Variants in ITFG2 observed in about 807,000 individuals in gnomAD.
ITFG2 encodes integrin alpha FG-GAP repeat containing 2, also known as KICSTOR complex protein ITFG2.
ITFG2 carries 36 observed loss-of-function variants against 54.4 expected under a neutral mutation model. The ratio of observed to expected loss-of-function variants is 0.66; its 90% CI spans 0.51 to 0.87. The LOEUF is 0.87. Among genes scored for constraint, ITFG2 ranks in the 40% least tolerant of loss-of-function variants. The pLI is 0.00. For missense variants in ITFG2, 524 were observed against 576.7 expected (o/e 0.91, Z 0.94); for synonymous variants, 211 against 225.4 (o/e 0.94, Z 0.57).
chr12:2,817,830 C>A, intron 2 of ITFG2, 79 bp from the exon 3 acceptor site: 1 of 1,397,504 alleles, frequency 7.2e-7, no homozygotes, highest in Non-Finnish European at 9.8e-7. Flanking sequence ...GAAAACCTGC[C>A]CGCTCCTCCT....
intron 2 of ITFG2, among the ~76,000 whole-genome samples, chr12:2,851,774 G>A (rs550211823): frequency 2.0e-5 from 3 of 150,168 alleles, no homozygotes; most frequent in African/African-American, 7.3e-5. Context: ...CACCTCCCGG[G>A]TTCAAGTGAT....
Position 2,857,208 on chromosome 12 carries a change from C to T in ITFG2, n.301-804C>T, listed in dbSNP as rs1235899432. 20 of 618,716 alleles carry T rather than the reference C, an allele frequency of 3.2e-5. No homozygotes were observed. In the East Asian group the frequency reaches 5.2e-4, roughly 16 times the overall value. The allele number at this position is 618,716 out of a possible 1,614,324, so 38.3% of individuals were successfully genotyped here. On this transcript the variant is annotated intron_variant and non_coding_transcript_variant, in intron 2 of 3. Coordinates refer to the ITFG2 transcript ENST00000537710. ...CTGGCTACTTTTCAGGTTAGACAGGCAGGGGATAGCACTTTCTTCAAGTTC... is the reference window on the plus strand; with the variant it reads ...CTGGCTACTTTTCAGGTTAGACAGGTAGGGGATAGCACTTTCTTCAAGTTC...
chr12:2,812,730 C>A lies in ITFG2; in HGVS notation c.-31C>A. 6.4e-7 allele frequency: 1 copy of A among 1,574,444 alleles called. No individual in the cohort carries two copies. Among genetic ancestry groups the A allele is most frequent in the Non-Finnish European group, 8.7e-7 (1 of 1,145,786 alleles). On this transcript the variant is annotated 5_prime_UTR_variant, in exon 1 of 12. Transcript: ENST00000228799. ...GGGGGTTCAGGGAATATTTACTGGG[C>A]CTCTCCGCTCCCTCTGCTCTTGGAG...
chr12:2,830,959 C>G (rs2097999332), downstream of ITFG2: 27 of 1,302,992 alleles, frequency 2.1e-5, no homozygotes, highest in South Asian at 3.1e-4. Flanking sequence ...CTCCCCCCAC[C>G]CCCCCAGCCC....
chr12:2,855,186 C>A, intron 2 of ITFG2: 1 of 1,510,294 alleles, frequency 6.6e-7, no homozygotes, highest in Admixed American at 2.0e-5. Context: ...GCCTGTCAGG[C>A]TGGGTGGGGA....
At chr12:2,819,467 CAA>C (rs113131393) in intron 4 of ITFG2, among the ~76,000 whole-genome samples, 2 of 123,268 alleles carry the variant, frequency 1.6e-5, no homozygotes. Context: ...GACTCCGTCT[CAA>C]AAAAAAAAAA....
intron 7 of ITFG2, 69 bp downstream of exon 7, chr12:2,821,428 A>G: frequency 6.5e-7 from 1 of 1,548,252 alleles, no homozygotes; most frequent in Non-Finnish European, 8.9e-7. Flanking sequence ...GTGGAGATCC[A>G]TAGCTTTCCC....
chr12:2,846,185 G>GC (rs1229444669), intron 2 of ITFG2, among the ~76,000 whole-genome samples: 2 of 152,368 alleles, frequency 1.3e-5, no homozygotes, highest in East Asian at 3.9e-4. Context: ...GGAGAGCAGG[G>GC]CTGGAAGGTG....
upstream of ITFG2, among the ~76,000 whole-genome samples, chr12:2,833,028 A>C (rs2098011324): frequency 6.6e-6 from 1 of 151,782 alleles, no homozygotes; most frequent in Non-Finnish European, 1.5e-5. Context: ...GCTGTTGTGC[A>C]GTTTGCTCCT....
intron 2 of ITFG2, chr12:2,857,398 T>C: frequency 3.4e-6 from 1 of 295,152 alleles, no homozygotes; most frequent in African/African-American, 2.1e-5. Flanking sequence ...GCTTGTCTTA[T>C]TAAGAACCCT....
rs2098090452 is a variant in ITFG2 at position 2,857,286 on chromosome 12, C to A, written n.301-726C>A. The A allele has an allele frequency of 5.7e-6, 3 of 527,466 alleles. No homozygotes were observed. In the East Asian group the frequency reaches 1.0e-4, roughly 18 times the overall value. The allele number at this position is 527,466 out of a possible 1,614,324, so 32.7% of individuals were successfully genotyped here. The stretch of plus-strand genomic sequence containing the variant: ...GCTGCCGGGCAGAAGAAAAGCAGGG[C>A]AGGCTGGCTCCCAGGCCTCAGGGTG... On this transcript the variant is annotated intron_variant and non_coding_transcript_variant, in intron 2 of 3. Transcript: ENST00000537710.
At chr12:2,855,562 T>C (rs908211437) in intron 2 of ITFG2, 1 of 805,902 alleles carries the variant, frequency 1.2e-6, no homozygotes. Flanking sequence ...AGGATTCTCA[T>C]GAGGACGCAG....
chr12:2,818,576 T>A, intron 4 of ITFG2: 1 of 436,690 alleles, frequency 2.3e-6, no homozygotes, highest in Non-Finnish European at 4.2e-6. Flanking sequence ...GATGGGAGGA[T>A]CACTTGAGGC....
At chr12:2,846,464 C>T (rs1036744307) in intron 2 of ITFG2, among the ~76,000 whole-genome samples, 2 of 152,120 alleles carry the variant, frequency 1.3e-5, no homozygotes, top group African/African-American at 2.4e-5. Context: ...TTGCAGTCCC[C>T]GCTCCAGCAC....
upstream of ITFG2, among the ~76,000 whole-genome samples, chr12:2,836,097 G>A (rs189798567): frequency 1.6e-3 from 247 of 152,198 alleles, no homozygotes; most frequent in African/African-American, 5.7e-3. Context: ...ACATCTCCTG[G>A]GGCACCTATG....
upstream of ITFG2, among the ~76,000 whole-genome samples, chr12:2,832,916 G>A (rs929471719): frequency 1.3e-5 from 2 of 151,754 alleles, no homozygotes; most frequent in Non-Finnish European, 2.9e-5. Flanking sequence ...TAGACCCAGT[G>A]CTGGGAAAAG....
chr12:2,858,720 T>C (rs778570959), intron 3 of ITFG2: 1 of 1,614,186 alleles, frequency 6.2e-7, no homozygotes, highest in East Asian at 2.2e-5. Context: ...AAAGCTGATG[T>C]CCAGCAGGAT....
At chr12:2,842,624 C>T (rs1379727713) in intron 2 of ITFG2, among the ~76,000 whole-genome samples, 1 of 151,894 alleles carries the variant, frequency 6.6e-6, no homozygotes, top group African/African-American at 2.4e-5. Context: ...TCCAGCTACT[C>T]GGGAGGCTGA....
chr12:2,839,550 C>T (rs1040818795), intron 1 of ITFG2, among the ~76,000 whole-genome samples: 14 of 152,154 alleles, frequency 9.2e-5, no homozygotes, highest in African/African-American at 3.1e-4. Flanking sequence ...ATTGGTTCTT[C>T]TATGAATGAA....
Sources: allele counts gnomAD v4.1 joint callset (sites outside exome capture counted in the v4.1 genomes callset), GRCh38; gene constraint gnomAD v4.1.1; transcripts MANE v1.5; gene names NCBI Gene and HGNC (gene_info 2026-07-23, HGNC 2026-07-21).